Variants in COL18A1 observed in about 807,000 individuals in gnomAD.
COL18A1 encodes the protein collagen type XVIII alpha 1 chain, also known as collagen alpha-1(XVIII) chain.
Under a neutral mutation model 168.0 loss-of-function variants are expected in COL18A1, and 133 were observed. The observed-to-expected ratio is 0.79, with a 90% CI of 0.69 to 0.91. The LOEUF (loss-of-function observed/expected upper bound fraction) is 0.91, where lower values mean the gene tolerates loss of function less well. COL18A1 is among the 40% of genes least tolerant of loss of function. The probability of loss-of-function intolerance (pLI) is 0.00; values close to 1 mark genes in which losing one functional copy is unlikely to be tolerated. For missense variants in COL18A1, 2,126 were observed against 1,925.4 expected (o/e 1.10, Z -1.95); for synonymous variants, 949 against 809.0 (o/e 1.17, Z -2.94).
chr21:45,480,033 G>A lies in COL18A1; in HGVS notation c.1312-37G>A, dbSNP rs9979845. 359,801 of 1,610,918 alleles carry A rather than the reference G, an allele frequency of 0.22. 41,142 individuals are homozygous for A. Among genetic ancestry groups the A allele is most frequent in the Middle Eastern group, 0.25 (1,517 of 6,054 alleles). On this transcript the variant is annotated intron_variant, in intron 10 of 41. Coordinates refer to ENST00000651438, the MANE Select transcript of COL18A1 (RefSeq NM_001379500.1). ...TTGGCTCAAGGTGGGGGCTGTGTGC[G>A]TGCCCAGGGTATGATAGGCTTGTCT... is the stretch of plus-strand genomic sequence containing the variant.
intron 11 of COL18A1, 46 bp downstream of exon 11, chr21:45,480,202 C>G: frequency 8.2e-7 from 1 of 1,219,780 alleles, no homozygotes; most frequent in Non-Finnish European, 1.2e-6. Context: ...CTGCCCTCCT[C>G]AAAAGCAGGC....
chr21:45,493,129 C>T, intron 24 of COL18A1, 34 bp from the exon 25 acceptor site: 4 of 1,545,046 alleles, frequency 2.6e-6, no homozygotes, highest in South Asian at 2.4e-5. Context: ...GAGATGCCAG[C>T]CGCTCGGGCC....
At chr21:45,454,131 T>G (rs912741310) in intron 2 of COL18A1, among the ~76,000 whole-genome samples, 4 of 152,170 alleles carry the variant, frequency 2.6e-5, no homozygotes, top group African/African-American at 4.8e-5. Context: ...GGATTCGTTT[T>G]GGGAGCACGG....
At chr21:45,475,924 C>T (rs989578022) in intron 5 of COL18A1, among the ~76,000 whole-genome samples, 4 of 152,364 alleles carry the variant, frequency 2.6e-5, no homozygotes, top group South Asian at 2.1e-4. Context: ...GCAGGGAGCG[C>T]GCGGAAGGCT....
intron 2 of COL18A1, among the ~76,000 whole-genome samples, chr21:45,439,060 T>C (rs139191382): frequency 6.6e-6 from 1 of 152,364 alleles, no homozygotes; most frequent in East Asian, 1.9e-4. Context: ...GCCACGCTCA[T>C]CACCCGCATC....
chr21:45,457,007 C>A lies in COL18A1; in HGVS notation c.107-11235C>A. On this transcript the variant is annotated intron_variant, in intron 2 of 41. Transcript: ENST00000651438. This position sits in a 1 kb window ranked among gnomAD's most constrained non-coding sequence, Gnocchi z 4.6. ...AATCTCTACGTTCAGGGGCCCGTGG[C>A]CCTCGGGAGGTGGGAGAGCTGGGAG... 1 of 793,316 alleles carries A rather than the reference C, an allele frequency of 1.3e-6. No homozygotes were observed. Among genetic ancestry groups the A allele is most frequent in the African/African-American group, 1.8e-5 (1 of 54,606 alleles). The allele number at this position is 793,316 out of a possible 1,614,324, so 49.1% of individuals were successfully genotyped here. A position where few individuals can be genotyped will look rare whatever the true frequency, so the allele number is the denominator to read the frequency against.
rs2145915681 is a variant in COL18A1 at position 45,475,528 on chromosome 21, A to G, written c.791A>G (p.Glu264Gly). The part of the protein sequence containing the change: ...GLGDARELLR[E>G]ETGAALKPRL... ...GGGGACGCCCGGGAGCTTCTCAGGG[A>G]GGAGACGGTGAGTAGCCGGACGGGG... Residue 264 changes from glutamate to glycine, a missense_variant, in exon 5 of 42, where the codon GAG (glutamate) becomes GGG (glycine). By Grantham distance (98) the Glu-to-Gly change is moderately conservative. Transcript: ENST00000651438. The G allele has an allele frequency of 2.5e-6, 4 of 1,606,480 alleles. No individual in the cohort carries two copies. In the Middle Eastern group the frequency reaches 9.0e-4, roughly 361 times the overall value.
chr21:45,441,716 G>A (rs1275956917), intron 2 of COL18A1, among the ~76,000 whole-genome samples: 4 of 152,246 alleles, frequency 2.6e-5, no homozygotes, highest in Admixed American at 2.6e-4. Context: ...TCTGAGCAGG[G>A]CCAGCTTATG....
In COL18A1 at chr21:45,491,645, G is replaced by A. The variant is rs536578124; in HGVS notation, c.2157+331G>A. On this transcript the variant is annotated intron_variant, in intron 22 of 41. Transcript: ENST00000651438. ...CTGCATGTAGTCACCCAGCTGCCCC[G>A]TCAGAAGAAGCAGATGCACCCTTGG... is the stretch of plus-strand genomic sequence containing the variant. 3.9e-5 allele frequency among the ~76,000 whole-genome samples: 6 copies of A among 152,278 alleles called. No homozygotes were observed. The South Asian group carries it at 8.3e-4, about 21-fold the overall frequency.
In COL18A1 at chr21:45,449,751, G is replaced by A. The variant is rs553215111; in HGVS notation, c.107-18491G>A. Among the ~76,000 whole-genome samples, 103 of 152,274 alleles carry A rather than the reference G, an allele frequency of 6.8e-4. 1 individual carries two copies. Among genetic ancestry groups the A allele is most frequent in the African/African-American group, 2.4e-3 (101 of 41,562 alleles). On this transcript the variant is annotated intron_variant, in intron 2 of 41. Coordinates refer to ENST00000651438, the MANE Select transcript of COL18A1 (RefSeq NM_001379500.1). ...TGGCCACCCGGCCCTCTCACTGTGC[G>A]GCCACCTCCAGCCACTGAATCTGCA...
intron 2 of COL18A1, among the ~76,000 whole-genome samples, chr21:45,451,154 G>A (rs1167443132): frequency 2.0e-5 from 3 of 152,232 alleles, no homozygotes; most frequent in Non-Finnish European, 4.4e-5. Flanking sequence ...CTGCGTGCGG[G>A]TAGCCCATGG....
intron 2 of COL18A1, among the ~76,000 whole-genome samples, chr21:45,447,466 G>A (rs2145831495): frequency 6.6e-6 from 1 of 152,126 alleles, no homozygotes; most frequent in Middle Eastern, 3.4e-3. Flanking sequence ...GCATCAACAA[G>A]AACTTATACT....
chr21:45,497,859 CAGGGCACAA>C (rs912285949), intron 32 of COL18A1, 198 bp downstream of exon 32: 95 of 692,946 alleles, frequency 1.4e-4, no homozygotes, highest in Non-Finnish European at 2.4e-5. Context: ...AGGGTGGCTG[CAGGGCACAA>C]GCCCAGCAAG....
chr21:45,406,891 G>A (rs2033128790), intron 2 of COL18A1, among the ~76,000 whole-genome samples: 2 of 152,258 alleles, frequency 1.3e-5, no homozygotes, highest in Non-Finnish European at 2.9e-5. Flanking sequence ...TAAAGTCAGT[G>A]CAGGCCTCAG....
chr21:45,470,126 C>T (rs2035358333), intron 3 of COL18A1, among the ~76,000 whole-genome samples: 1 of 152,220 alleles, frequency 6.6e-6, no homozygotes, highest in Non-Finnish European at 1.5e-5. Flanking sequence ...TAGGGAGAGC[C>T]GGGCCACCGC....
chr21:45,468,999 C>G (rs1427964621), intron 3 of COL18A1, among the ~76,000 whole-genome samples: 3 of 152,214 alleles, frequency 2.0e-5, no homozygotes, highest in African/African-American at 7.2e-5. Flanking sequence ...GCCGGCCTGG[C>G]TGGGGTGGCA....
intron 3 of COL18A1, among the ~76,000 whole-genome samples, chr21:45,470,944 C>T (rs901906038): frequency 4.0e-5 from 6 of 150,924 alleles, no homozygotes; most frequent in South Asian, 2.1e-4. Context: ...GCGTGGGTGG[C>T]GTGCAGCAGG....
In COL18A1 at chr21:45,482,036, C is replaced by T. The variant is rs2035916653; in HGVS notation, c.1674+11C>T. 1.2e-6 allele frequency: 2 copies of T among 1,611,038 alleles called. No individual in the cohort carries two copies. Among genetic ancestry groups the T allele is most frequent in the Admixed American group, 1.7e-5 (1 of 59,898 alleles). ...CAGAAAGGCAGCCTGGTAAGTCTTC[C>T]CTCGAGTCCAGGGTGAGTGGGAACC... On this transcript the variant is annotated intron_variant, in intron 14 of 41. Transcript: ENST00000651438.
At chr21:45,469,448 C>T (rs1409820428) in intron 3 of COL18A1, among the ~76,000 whole-genome samples, 3 of 152,254 alleles carry the variant, frequency 2.0e-5, no homozygotes, top group Non-Finnish European at 2.9e-5. Context: ...CAGCAACCCA[C>T]GCCTGTGAGA....
Sources: allele counts gnomAD v4.1 joint callset (sites outside exome capture counted in the v4.1 genomes callset), GRCh38; gene constraint gnomAD v4.1.1; non-coding constraint Gnocchi (gnomAD v3.1); transcripts MANE v1.5; gene names NCBI Gene and HGNC (gene_info 2026-07-23, HGNC 2026-07-21).